The following PTPRA variants were observed in gnomAD, a reference collection of about 807,000 sequenced individuals.
PTPRA encodes the protein receptor-type tyrosine-protein phosphatase alpha.
In PTPRA, 25 loss-of-function variants were observed where a neutral mutation model predicts 104.8. That is an observed-to-expected ratio of 0.24 (90% CI 0.17 to 0.33). PTPRA has a LOEUF of 0.33. Among genes scored for constraint, PTPRA ranks in the 10% least tolerant of loss-of-function variants. PTPRA has a pLI of 1.00. For synonymous variants in PTPRA, 323 were observed against 368.9 expected (o/e 0.88, Z 1.43); for missense variants, 765 against 1,015.3 (o/e 0.75, Z 3.35).
intron 1 of PTPRA, among the ~76,000 whole-genome samples, chr20:2,882,296 CT>C (rs563182313): frequency 1.2e-3 from 167 of 139,210 alleles, no homozygotes; most frequent in South Asian, 1.6e-3. Context: ...TTCTTTCTTT[CT>C]TTTTTTTTTT....
In PTPRA at chr20:2,894,846, G is replaced by C. The variant is rs1249189112; in HGVS notation, c.-129+21086G>C. ...CTAAAAATACAAATAAATTGGCCAG[G>C]CGTGGTGACGGGCGCCTGTAGTCCC... is the stretch of plus-strand genomic sequence containing the variant. On this transcript the variant is annotated intron_variant, in intron 1 of 23. Coordinates refer to ENST00000399903, the MANE Select transcript of PTPRA (RefSeq NM_001385305.1). 2.0e-5 allele frequency among the ~76,000 whole-genome samples: 3 copies of C among 151,916 alleles called. No individual in the cohort carries two copies. In the South Asian group the frequency reaches 6.2e-4, roughly 32 times the overall value.
At chr20:2,943,973 A>G (rs955020726) in intron 2 of PTPRA, among the ~76,000 whole-genome samples, 1 of 152,056 alleles carries the variant, frequency 6.6e-6, no homozygotes, top group Non-Finnish European at 1.5e-5. Context: ...AACAACCATC[A>G]AAAATTGGCT....
chr20:2,919,926 A>G (rs1341259101), intron 1 of PTPRA, among the ~76,000 whole-genome samples: 2 of 152,236 alleles, frequency 1.3e-5, no homozygotes, highest in African/African-American at 4.8e-5. Context: ...CGTGGAAATT[A>G]TATAAAATTA....
intron 1 of PTPRA, among the ~76,000 whole-genome samples, chr20:2,888,414 C>A (rs1051119241): frequency 1.3e-5 from 2 of 151,864 alleles, no homozygotes; most frequent in East Asian, 3.9e-4. Context: ...TAAAAGCTAG[C>A]CAGGTGTAAT....
intron 1 of PTPRA, among the ~76,000 whole-genome samples, chr20:2,921,055 C>T (rs1055163677): frequency 6.6e-6 from 1 of 152,008 alleles, no homozygotes; most frequent in Non-Finnish European, 1.5e-5. Context: ...TTACATTGTA[C>T]CTGGAAAGAG....
intron 9 of PTPRA, among the ~76,000 whole-genome samples, chr20:2,998,456 A>G (rs569514161): frequency 6.6e-6 from 1 of 152,264 alleles, no homozygotes; most frequent in Non-Finnish European, 1.5e-5. Flanking sequence ...GTCCTGTGGG[A>G]ATTAGCAGGA....
At chr20:3,033,935 C>G (rs983401583) in intron 20 of PTPRA, among the ~76,000 whole-genome samples, 3 of 150,688 alleles carry the variant, frequency 2.0e-5, no homozygotes, top group African/African-American at 7.3e-5. Flanking sequence ...CTTTGGTCTT[C>G]CAGAGATCTT....
chr20:3,036,073 T>C lies in PTPRA; in HGVS notation c.2198+132T>C, dbSNP rs529923929. 5.3e-5 allele frequency: 77 copies of C among 1,463,516 alleles called. No individual in the cohort carries two copies. The African/African-American group carries it at 7.7e-4, about 15-fold the overall frequency. The allele number at this position is 1,463,516 out of a possible 1,614,324, so 90.7% of individuals were successfully genotyped here. ...ATTGGTGAGCACATAGTAGTTGAGA[T>C]TGATGCCAAGACAGGATTGGATGCT... On this transcript the variant is annotated intron_variant, in intron 22 of 23. Transcript: ENST00000399903.
intron 6 of PTPRA, among the ~76,000 whole-genome samples, chr20:2,976,297 C>T (rs1172052947): frequency 1.3e-5 from 2 of 152,180 alleles, no homozygotes; most frequent in Non-Finnish European, 2.9e-5. Context: ...TAGATATTTA[C>T]TTGCTCCCTA....
At chr20:2,971,863 A>G (rs994331427) in intron 5 of PTPRA, among the ~76,000 whole-genome samples, 8 of 151,892 alleles carry the variant, frequency 5.3e-5, no homozygotes, top group South Asian at 4.2e-4. Context: ...TTATTTTGAG[A>G]TGGAGTCTGT....
chr20:2,930,101 C>T (rs115133850), intron 2 of PTPRA, among the ~76,000 whole-genome samples: 2,399 of 152,202 alleles, frequency 0.016, 62 homozygotes, highest in African/African-American at 0.053. Context: ...TTGTTGAACC[C>T]ACCGAGTCTG....
chr20:2,885,010 A>G (rs1350180636), intron 1 of PTPRA, among the ~76,000 whole-genome samples: 1 of 151,856 alleles, frequency 6.6e-6, no homozygotes, highest in Non-Finnish European at 1.5e-5. Context: ...GGGATTTCAC[A>G]GTGTTAGCCA....
At chr20:3,021,238 C>A in intron 13 of PTPRA, 71 bp from the exon 14 acceptor site, 1 of 1,598,874 alleles carries the variant, frequency 6.3e-7, no homozygotes. Flanking sequence ...TGGGCTCTTC[C>A]TTCCAGGCCC....
intron 1 of PTPRA, among the ~76,000 whole-genome samples, chr20:2,879,714 C>A (rs2089944031): frequency 6.6e-6 from 1 of 152,060 alleles, no homozygotes; most frequent in South Asian, 2.1e-4. Flanking sequence ...TTTTACTATA[C>A]CTTTTCTATT....
At chr20:2,909,802 A>G (rs2059564563) in intron 1 of PTPRA, among the ~76,000 whole-genome samples, 1 of 133,790 alleles carries the variant, frequency 7.5e-6, no homozygotes, top group South Asian at 2.3e-4. Flanking sequence ...ATTAGATAAT[A>G]TATATAATAT....
intron 11 of PTPRA, among the ~76,000 whole-genome samples, chr20:3,014,648 A>G (rs1281065171): frequency 6.6e-6 from 1 of 151,622 alleles, no homozygotes; most frequent in Non-Finnish European, 1.5e-5. Flanking sequence ...CGTCTCAAAA[A>G]AAAAAAGAAA....
At chr20:2,964,828 A>T (rs750455006) in intron 4 of PTPRA, 33 bp from the exon 5 acceptor site, 1 of 1,540,550 alleles carries the variant, frequency 6.5e-7, no homozygotes, top group Non-Finnish European at 8.9e-7. Flanking sequence ...CACATTCTTC[A>T]TGTGCTATTT....
rs750018846 is a variant in PTPRA at position 3,005,180 on chromosome 20, T to C, written c.829+34T>C. The C allele has an allele frequency of 2.6e-6, 4 of 1,520,668 alleles. No homozygotes were observed. In the African/African-American group the frequency reaches 4.1e-5, roughly 16 times the overall value. The allele number at this position is 1,520,668 out of a possible 1,614,324, so 94.2% of individuals were successfully genotyped here. ...CTTTAGTGTTTCTTGGGATGTAACC[T>C]GAAATTACATCTCTGGAGGGATTTT... On this transcript the variant is annotated intron_variant, in intron 10 of 23. Transcript: ENST00000399903.
chr20:2,977,981 T>G (rs1397931797), intron 6 of PTPRA, among the ~76,000 whole-genome samples: 2 of 151,768 alleles, frequency 1.3e-5, no homozygotes, highest in East Asian at 3.9e-4. Context: ...AAGTTTAAAT[T>G]AAAATAGCAA....
Sources: gnomAD v4.1 joint callset for allele counts (sites outside exome capture counted in the v4.1 genomes callset) on GRCh38, gnomAD v4.1.1 for gene constraint, MANE v1.5 for transcripts, NCBI Gene and HGNC (gene_info 2026-07-23, HGNC 2026-07-21) for gene names.